IRX5: variants seen among roughly 807,000 people sequenced by gnomAD.
IRX5 encodes the protein iroquois homeobox 5.
A neutral mutation model predicts 37.6 loss-of-function variants in IRX5; 8 were observed. The observed-to-expected ratio is 0.21, with a 90% CI of 0.12 to 0.38. The LOEUF (loss-of-function observed/expected upper bound fraction) is 0.38, where lower values mean the gene tolerates loss of function less well. Ranked by LOEUF, IRX5 falls within the 10% of genes least tolerant of loss-of-function variation. The pLI, the probability that IRX5 is intolerant of heterozygous loss-of-function variation, is 1.00. For synonymous variants in IRX5, 359 were observed against 328.6 expected, an observed-to-expected ratio of 1.09 and a Z score of -1.00; for missense variants, 635 against 695.2, an observed-to-expected ratio of 0.91 and a Z score of 0.97.
rs756545185 is a variant in IRX5, at chr16:54,933,129, C to A, written c.708C>A (p.Pro236=). The change falls in exon 3 of 3, where the codon CCC becomes CCA. Residue 236 remains proline, a synonymous_variant. Coordinates refer to ENST00000394636, the MANE Select transcript of IRX5 (RefSeq NM_005853.6). ...ASGCERLQGP[P]TPAGKETEGS... is the part of the protein sequence containing the mutation. ...GCTGCGAACGGCTTCAGGGACCACC[C>A]ACCCCTGCAGGCAAGGAGACGGAGG... The A allele has an allele frequency of 2.1e-5, 33 of 1,586,790 alleles. No homozygotes were observed. The African/African-American group carries it at 2.4e-4, about 12-fold the overall frequency.
Position 54,932,770 on chromosome 16 carries a change from G to T in IRX5, c.522G>T (p.Glu174Asp), listed in dbSNP as rs766798749. The T allele has an allele frequency of 1.4e-5, 22 of 1,613,994 alleles. No homozygotes were observed. The highest frequency in any genetic ancestry group is 1.8e-5 in the Non-Finnish European group (21 of 1,180,028). Residue 174 changes from glutamate to aspartate, a missense_variant, in exon 2 of 3, where the codon GAG (glutamate) becomes GAT (aspartate). By Grantham distance (45) the Glu-to-Asp change is conservative. Transcript: ENST00000394636. The surrounding 1 kb of genome is among the most constrained non-coding windows in gnomAD (Gnocchi z 6.7). ...ACGCGCGCCGGCGCCTCAAGAAAGAGAATAAAATGACGTGGACGCCGCGGA... is the reference window on the plus strand; with the variant it reads ...ACGCGCGCCGGCGCCTCAAGAAAGATAATAAAATGACGTGGACGCCGCGGA... ...FANARRRLKK[E>D]NKMTWTPRNR...
chr16:54,933,552 G>A lies in IRX5; in HGVS notation c.1131G>A (p.Ser377=). ...AGQALGGSRA[S]PAPAPSRSPS... ...AAGCCCTAGGAGGCAGCCGGGCGTC[G>A]CCGGCCCCGGCGCCGTCACGCTCGC... The change falls in exon 3 of 3, where the codon TCG becomes TCA. Residue 377 remains serine (S), a synonymous_variant. Transcript: ENST00000394636. 6.2e-7 allele frequency: 1 copy of A among 1,607,132 alleles called. No homozygotes were observed. The highest frequency in any genetic ancestry group is 8.5e-7 in the Non-Finnish European group (1 of 1,176,696).
In IRX5 at chr16:54,933,554, C is replaced by G. The variant is rs749009698; in HGVS notation, c.1133C>G (p.Pro378Arg). 9 of 1,607,536 alleles carry G rather than the reference C, an allele frequency of 5.6e-6. No individual in the cohort carries two copies. Among genetic ancestry groups the G allele is most frequent in the African/African-American group, 2.7e-5 (2 of 74,752 alleles). ...GQALGGSRAS[P>R]APAPSRSPSA... ...GCCCTAGGAGGCAGCCGGGCGTCGCCGGCCCCGGCGCCGTCACGCTCGCCC... is the reference window on the plus strand; with the variant it reads ...GCCCTAGGAGGCAGCCGGGCGTCGCGGGCCCCGGCGCCGTCACGCTCGCCC... The change falls in exon 3 of 3, where the codon CCG becomes CGG. Residue 378 changes from proline to arginine, a missense_variant. By Grantham distance (103) the Pro-to-Arg change is moderately radical (BLOSUM62 -2). This residue lies in a region of IRX5 where 188 missense variants were observed against 200.8 expected (regional missense o/e 0.94). Coordinates refer to ENST00000394636, the MANE Select transcript of IRX5 (RefSeq NM_005853.6).
At position 54,931,326 on chromosome 16, in the gene IRX5, C is replaced by G; in HGVS notation, c.128C>G (p.Ser43Cys). The change falls in exon 1 of 3, where the codon TCC becomes TGC. Residue 43 changes from serine to cysteine, a missense_variant. Ser to Cys is a moderately radical substitution (Grantham distance 112). Coordinates refer to ENST00000394636, the MANE Select transcript of IRX5 (RefSeq NM_005853.6). ...GAGCTCGGCCGCTCTTCTTCGGGCT[C>G]CGCGTTCTCGCCCTACGCTGGCTCG... ...TDELGRSSSG[S>C]AFSPYAGSTA... 1 of 1,611,660 alleles carries G rather than the reference C, an allele frequency of 6.2e-7. No individual in the cohort carries two copies. The highest frequency in any genetic ancestry group is 8.5e-7 in the Non-Finnish European group (1 of 1,179,632).
chr16:54,932,675 A>C lies in IRX5; in HGVS notation c.427A>C (p.Lys143Gln). ...NEHRKNPYPT[K>Q]GEKIMLAIIT... ...GCACCGCAAGAACCCCTACCCCACCAAGGGCGAGAAGATCATGCTGGCCAT... is the reference window on the plus strand; with the variant it reads ...GCACCGCAAGAACCCCTACCCCACCCAGGGCGAGAAGATCATGCTGGCCAT... The change falls in exon 2 of 3, where the codon AAG becomes CAG. Residue 143 changes from lysine (K) to glutamine (Q), a missense_variant. Coordinates refer to ENST00000394636, the MANE Select transcript of IRX5 (RefSeq NM_005853.6). The surrounding 1 kb of genome is among the most constrained non-coding windows in gnomAD (Gnocchi z 6.7). 6.2e-7 allele frequency: 1 copy of C among 1,613,946 alleles called. No homozygotes were observed.
Position 54,931,922 on chromosome 16 carries a change from A to C in IRX5, c.249+475A>C, listed in dbSNP as rs570061007. On this transcript the variant is annotated intron_variant, in intron 1 of 2. Transcript: ENST00000394636. ...TTCGCAATCCGATTTGGGAGTATTAAATTTCTGAAAAGTCGGTCGAGCTGC... is the reference window on the plus strand; with the variant it reads ...TTCGCAATCCGATTTGGGAGTATTACATTTCTGAAAAGTCGGTCGAGCTGC... 5 of 611,636 alleles carry C rather than the reference A, an allele frequency of 8.2e-6. No individual in the cohort carries two copies. The Admixed American group carries it at 8.4e-5, about 10-fold the overall frequency. The allele number at this position is 611,636 out of a possible 1,614,324, so 37.9% of individuals were successfully genotyped here. A position where few individuals can be genotyped will look rare whatever the true frequency, so the allele number is the denominator to read the frequency against.
At position 54,931,333 on chromosome 16, in the gene IRX5, C is replaced by G. The variant is rs1454404361; in HGVS notation, c.135C>G (p.Phe45Leu). ...ELGRSSSGSA[F>L]SPYAGSTAFT... ...GCCGCTCTTCTTCGGGCTCCGCGTT[C>G]TCGCCCTACGCTGGCTCGACTGCCT... The change falls in exon 1 of 3, where the codon TTC (phenylalanine) becomes TTG (leucine). Residue 45 changes from phenylalanine (F) to leucine (L), a missense_variant. This residue lies in a region of IRX5 where 145 missense variants were observed against 152.4 expected (regional missense o/e 0.95). Transcript: ENST00000394636. The G allele has an allele frequency of 6.2e-7, 1 of 1,611,106 alleles. No individual in the cohort carries two copies. Among genetic ancestry groups the G allele is most frequent in the East Asian group, 2.2e-5 (1 of 44,864 alleles).
rs1467237497 is a variant in IRX5, at chr16:54,931,161, C to A, written c.-38C>A. The A allele has an allele frequency of 2.3e-6, 3 of 1,319,862 alleles. No homozygotes were observed. Among genetic ancestry groups the A allele is most frequent in the Non-Finnish European group, 2.9e-6 (3 of 1,032,456 alleles). 81.8% of individuals were successfully genotyped at this position (1,319,862 alleles called of 1,614,324 possible). A position where few individuals can be genotyped will look rare whatever the true frequency, so the allele number is the denominator to read the frequency against. ...CGCAGGGCGCCGCCCGGCTCGTTGG[C>A]GGCCGCGGCGCGGCGCGCCCCATGC... On this transcript the variant is annotated 5_prime_UTR_variant, in exon 1 of 3. Transcript: ENST00000394636.
rs766996302 is a variant in IRX5 at position 54,932,607 on chromosome 16, C to T, written c.359C>T (p.Ala120Val). 1 of 1,613,988 alleles carries T rather than the reference C, an allele frequency of 6.2e-7. No individual in the cohort carries two copies. The highest frequency in any genetic ancestry group is 1.3e-5 in the African/African-American group (1 of 74,910). The change falls in exon 2 of 3, where the codon GCC becomes GTC. Residue 120 changes from alanine (A) to valine (V), a missense_variant. By Grantham distance (64) the Ala-to-Val change is moderately conservative. This residue lies in a region of IRX5 where 55 missense variants were observed against 120.5 expected (regional missense o/e 0.46). Transcript: ENST00000394636. The surrounding 1 kb of genome is among the most constrained non-coding windows in gnomAD (Gnocchi z 6.7). ...PYGDPAYRKN[A>V]TRDATATLKA... Reference sequence around the variant, plus strand: ...GGGGACCCAGCGTACCGGAAGAACGCCACAAGGGACGCCACGGCTACCCTC... The same window carrying T: ...GGGGACCCAGCGTACCGGAAGAACGTCACAAGGGACGCCACGGCTACCCTC...
rs1133611 is a variant in IRX5, at chr16:54,934,327, A to G, written c.*454A>G. On this transcript the variant is annotated 3_prime_UTR_variant, in exon 3 of 3. Coordinates refer to ENST00000394636, the MANE Select transcript of IRX5 (RefSeq NM_005853.6). ...TGCTGGGTATGAGCTAAAGTATTAC[A>G]GAAAGGAAACAGGTTATACTCTTAG... The G allele has an allele frequency of 0.74, 113,174 of 152,642 alleles. 42,520 individuals are homozygous for G. Among genetic ancestry groups the G allele is most frequent in the East Asian group, 0.98 (5,085 of 5,190 alleles). 9.5% of individuals were successfully genotyped at this position (152,642 alleles called of 1,614,324 possible). A position where few individuals can be genotyped will look rare whatever the true frequency, so the allele number is the denominator to read the frequency against.
At position 54,931,314 on chromosome 16, in the gene IRX5, C is replaced by G. The variant is rs762504529; in HGVS notation, c.116C>G (p.Ser39Cys). Residue 39 changes from serine (S) to cysteine (C), a missense_variant, in exon 1 of 3, where the codon TCT becomes TGT. By Grantham distance (112) the Ser-to-Cys change is moderately radical. Transcript: ENST00000394636. ...SGPRTDELGR[S>C]SSGSAFSPYA... ...CCCCGCACGGATGAGCTCGGCCGCTCTTCTTCGGGCTCCGCGTTCTCGCCC... is the reference window on the plus strand; with the variant it reads ...CCCCGCACGGATGAGCTCGGCCGCTGTTCTTCGGGCTCCGCGTTCTCGCCC... 5.6e-6 allele frequency: 9 copies of G among 1,612,152 alleles called. No homozygotes were observed. Among genetic ancestry groups the G allele is most frequent in the Non-Finnish European group, 7.6e-6 (9 of 1,179,644 alleles).
chr16:54,933,686 A>T lies in IRX5; in HGVS notation c.1265A>T (p.His422Leu), dbSNP rs143660069. Residue 422 changes from histidine (H) to leucine (L), a missense_variant, in exon 3 of 3, where the codon CAT (histidine) becomes CTT (leucine). This residue lies in a region of IRX5 where 188 missense variants were observed against 200.8 expected (regional missense o/e 0.94). Transcript: ENST00000394636. ...YTNYGSFGHL[H>L]GHPGPGPGPT... The stretch of plus-strand genomic sequence containing the variant: ...AACTATGGCTCCTTCGGACACCTTC[A>T]TGGCCACCCGGGGCCCGGGCCAGGC... The T allele has an allele frequency of 1.2e-6, 2 of 1,613,410 alleles. No individual in the cohort carries two copies. The highest frequency in any genetic ancestry group is 1.7e-6 in the Non-Finnish European group (2 of 1,179,756).
Position 54,933,605 on chromosome 16 carries a change from G to A in IRX5, c.1184G>A (p.Gly395Glu). ...SPSAQCPFPG[G>E]TVLSRPLYYT... ...TCGGCGCAGTGTCCTTTTCCAGGCG[G>A]GACGGTGCTGTCCCGGCCTCTCTAC... Residue 395 changes from glycine (G) to glutamate (E), a missense_variant, in exon 3 of 3, where the codon GGG becomes GAG. Around this residue, in one of 5 missense-constraint regions of IRX5, gnomAD observed 188 missense variants for 200.8 expected, o/e 0.94. Transcript: ENST00000394636. The A allele has an allele frequency of 6.2e-7, 1 of 1,610,732 alleles. No individual in the cohort carries two copies. The highest frequency in any genetic ancestry group is 8.5e-7 in the Non-Finnish European group (1 of 1,178,104).
rs779418959 is a variant in IRX5 at position 54,933,220 on chromosome 16, C to G, written c.799C>G (p.Pro267Ala). Residue 267 changes from proline (P) to alanine (A), a missense_variant, in exon 3 of 3, where the codon CCC becomes GCC. Physicochemically the swap from Pro to Ala is conservative, Grantham distance 27. This residue lies in a region of IRX5 where 244 missense variants were observed against 205.4 expected (regional missense o/e 1.19). Coordinates refer to ENST00000394636, the MANE Select transcript of IRX5 (RefSeq NM_005853.6). ...GGGCCGCCTCGACGCGCTGCAGGGCCCCCCCCGCACCGGCGGGCCCTCCCC... is the reference window on the plus strand; with the variant it reads ...GGGCCGCCTCGACGCGCTGCAGGGCGCCCCCCGCACCGGCGGGCCCTCCCC... The part of the protein sequence containing the change: ...SEGRLDALQG[P>A]PRTGGPSPAG... 2.7e-6 allele frequency: 4 copies of G among 1,493,858 alleles called. No individual in the cohort carries two copies. The highest frequency in any genetic ancestry group is 1.2e-5 in the South Asian group (1 of 80,506). 92.5% of individuals were successfully genotyped at this position (1,493,858 alleles called of 1,614,324 possible). A position where few individuals can be genotyped will look rare whatever the true frequency, so the allele number is the denominator to read the frequency against.
chr16:54,931,968 G>A, intron 1 of IRX5: 1 of 643,026 alleles, frequency 1.6e-6, no homozygotes, highest in South Asian at 1.7e-5. Flanking sequence ...GGATTTTTCG[G>A]CCGGGTTGTA....
intron 1 of IRX5, among the ~76,000 whole-genome samples, chr16:54,931,789 A>G (rs73628651): frequency 0.023 from 3,523 of 152,346 alleles, 92 homozygotes; most frequent in African/African-American, 0.055. Flanking sequence ...AAAGTAGTTC[A>G]AAAGAAATAG....
rs952903879 is a variant in IRX5 at position 54,933,625 on chromosome 16, C to T, written c.1204C>T (p.Leu402Phe). The change falls in exon 3 of 3, where the codon CTC becomes TTC. Residue 402 changes from leucine (L) to phenylalanine (F), a missense_variant. Physicochemically the swap from Leu to Phe is conservative, Grantham distance 22. Transcript: ENST00000394636. ...FPGGTVLSRPLYYTAPFYPGY... is the reference protein window; with the variant it reads ...FPGGTVLSRPFYYTAPFYPGY... The stretch of plus-strand genomic sequence containing the variant: ...AGGCGGGACGGTGCTGTCCCGGCCT[C>T]TCTACTACACCGCGCCCTTCTATCC... The T allele has an allele frequency of 1.2e-6, 2 of 1,608,302 alleles. No individual in the cohort carries two copies. Among genetic ancestry groups the T allele is most frequent in the Admixed American group, 1.7e-5 (1 of 59,814 alleles).
Position 54,933,816 on chromosome 16 carries a change from G to A in IRX5, c.1395G>A (p.Gln465=). 1.2e-6 allele frequency: 2 copies of A among 1,614,010 alleles called. No individual in the cohort carries two copies. The highest frequency in any genetic ancestry group is 1.7e-6 in the Non-Finnish European group (2 of 1,179,948). The change falls in exon 3 of 3, where the codon CAG becomes CAA. Residue 465 remains glutamine, a synonymous_variant. Coordinates refer to ENST00000394636, the MANE Select transcript of IRX5 (RefSeq NM_005853.6). ...CGAAAATGTTGCGGAGCCAGTCTCA[G>A]CTAGACCTGTGCAAAGACTCTCCCT... ...KDPKMLRSQS[Q]LDLCKDSPYE...
In IRX5 at chr16:54,933,185, C is replaced by T. The variant is rs1963922829; in HGVS notation, c.764C>T (p.Pro255Leu). Residue 255 changes from proline to leucine, a missense_variant, in exon 3 of 3, where the codon CCG (proline) becomes CTG (leucine). Pro to Leu is a moderately conservative substitution (Grantham distance 98, BLOSUM62 -3). Around this residue, in one of 5 missense-constraint regions of IRX5, gnomAD observed 244 missense variants for 205.4 expected, o/e 1.19. Coordinates refer to ENST00000394636, the MANE Select transcript of IRX5 (RefSeq NM_005853.6). ...GSLSDSDFKE[P>L]PSEGRLDALQ... ...CTCAGCGACTCGGATTTTAAGGAGC[C>T]GCCCTCGGAGGGCCGCCTCGACGCG... is the stretch of plus-strand genomic sequence containing the variant. 2 of 1,548,838 alleles carry T rather than the reference C, an allele frequency of 1.3e-6. No individual in the cohort carries two copies. Among genetic ancestry groups the T allele is most frequent in the African/African-American group, 1.4e-5 (1 of 73,434 alleles).
Sources: gnomAD v4.1 joint callset for allele counts (sites outside exome capture counted in the v4.1 genomes callset) on GRCh38, gnomAD v4.1.1 for gene constraint, gnomAD v4.1.1 regional missense constraint, Gnocchi (gnomAD v3.1) non-coding constraint, MANE v1.5 for transcripts, NCBI Gene and HGNC (gene_info 2026-07-23, HGNC 2026-07-21) for gene names.